The following CD163 variants were observed in gnomAD, a reference collection of about 807,000 sequenced individuals.
CD163 encodes CD163 molecule.
In CD163, 64 loss-of-function variants were observed where a neutral mutation model predicts 129.2. The observed-to-expected ratio is 0.50, with a 90% CI of 0.41 to 0.61. CD163 has a LOEUF of 0.61. Among genes scored for constraint, CD163 ranks in the 20% least tolerant of loss-of-function variants. The pLI, the probability that CD163 is intolerant of heterozygous loss-of-function variation, is 0.00. For missense variants in CD163, 1,061 were observed against 1,377.9 expected (o/e 0.77, Z 3.64); for synonymous variants, 446 against 478.5 (o/e 0.93, Z 0.89).
At chr12:7,491,571 T>C (rs898698508) in intron 6 of CD163, among the ~76,000 whole-genome samples, 11 of 152,044 alleles carry the variant, frequency 7.2e-5, no homozygotes, top group Admixed American at 1.3e-4. Context: ...TCTAGAAAAA[T>C]AAATAGATCT....
intron 5 of CD163, among the ~76,000 whole-genome samples, chr12:7,495,799 G>A (rs780371110): frequency 6.6e-6 from 1 of 151,602 alleles, no homozygotes; most frequent in East Asian, 1.9e-4. Flanking sequence ...CAGTTAGAAT[G>A]GCGATCATTA....
At chr12:7,503,236 C>T (rs1949518163) in intron 1 of CD163, among the ~76,000 whole-genome samples, 1 of 152,130 alleles carries the variant, frequency 6.6e-6, no homozygotes, top group Non-Finnish European at 1.5e-5. Flanking sequence ...TAATTTAAAA[C>T]TAAAAATGCT....
chr12:7,486,331 C>T (rs1310273851), intron 10 of CD163, among the ~76,000 whole-genome samples, 168 bp downstream of exon 10: 2 of 152,138 alleles, frequency 1.3e-5, no homozygotes, highest in African/African-American at 4.8e-5. Flanking sequence ...CTACCTTGCT[C>T]ATGAAGTACC....
chr12:7,495,047 C>A (rs1428887058), intron 6 of CD163, 34 bp downstream of exon 6: 3 of 1,546,094 alleles, frequency 1.9e-6, no homozygotes, highest in Non-Finnish European at 1.8e-6. Context: ...GAAATTTACA[C>A]CCTTCTTCTT....
In CD163 at chr12:7,485,310, C is replaced by G; in HGVS notation, c.2565G>C (p.Met855Ile). Residue 855 changes from methionine (M) to isoleucine (I), a missense_variant, in exon 11 of 17, where the codon ATG becomes ATC. By Grantham distance (10) the Met-to-Ile change is conservative. Coordinates refer to ENST00000432237, the MANE Select transcript of CD163 (RefSeq NM_203416.4). This position sits in a 1 kb window ranked among gnomAD's most constrained non-coding sequence, Gnocchi z 4.5. The stretch of plus-strand genomic sequence containing the variant: ...ACACCACACCCACAGTGGTTTCAGA[C>G]ATGCTACTCTTGCCAACAGTGCCCC... ...GAWGTVGKSS[M>I]SETTVGVVCR... 6.2e-7 allele frequency: 1 copy of G among 1,614,240 alleles called. No individual in the cohort carries two copies. Among genetic ancestry groups the G allele is most frequent in the Non-Finnish European group, 8.5e-7 (1 of 1,180,030 alleles).
intron 2 of CD163, 111 bp downstream of exon 2, chr12:7,502,367 G>A: frequency 2.6e-6 from 2 of 763,722 alleles, no homozygotes; most frequent in Non-Finnish European, 4.8e-6. Flanking sequence ...AATACATGGA[G>A]CATGTCACCT....
rs569749834 is a variant in CD163 at position 7,495,171 on chromosome 12, C to T, written c.1330G>A (p.Gly444Arg). The T allele has an allele frequency of 1.9e-5, 31 of 1,614,008 alleles. No individual in the cohort carries two copies. Among genetic ancestry groups the T allele is most frequent in the East Asian group, 1.3e-4 (6 of 44,894 alleles). The change falls in exon 6 of 17, where the codon GGA (glycine) becomes AGA (arginine). Residue 444 changes from glycine (G) to arginine (R), a missense_variant. Transcript: ENST00000432237. ...NTWLFLSSCNGNETSLWDCKN... is the reference protein window; with the variant it reads ...NTWLFLSSCNRNETSLWDCKN... The stretch of plus-strand genomic sequence containing the variant: ...CAGTCCCAAAGAGAAGTTTCATTTC[C>T]GTTACAGCTACTTAGAAACAGCCAT...
rs188608551 is a variant in CD163, at chr12:7,471,126, C to T, written c.*303G>A. Reference sequence around the variant, plus strand: ...GAAACTCTACAAAAAATTAGGAAGCCCATTTAGAAATTAATAGAATTAAGG... The same window carrying T: ...GAAACTCTACAAAAAATTAGGAAGCTCATTTAGAAATTAATAGAATTAAGG... On this transcript the variant is annotated 3_prime_UTR_variant, in exon 17 of 17. Transcript: ENST00000432237. The T allele has an allele frequency of 6.6e-6, 1 of 151,938 alleles. No individual in the cohort carries two copies. The highest frequency in any genetic ancestry group is 2.4e-5 in the African/African-American group (1 of 41,432). 9.4% of individuals were successfully genotyped at this position (151,938 alleles called of 1,614,324 possible).
Position 7,502,582 on chromosome 12 carries a change from G to T in CD163, c.47-18C>A. The T allele has an allele frequency of 7.6e-7, 1 of 1,315,256 alleles. No homozygotes were observed. The highest frequency in any genetic ancestry group is 1.1e-6 in the Non-Finnish European group (1 of 924,132). The allele number at this position is 1,315,256 out of a possible 1,614,324, so 81.5% of individuals were successfully genotyped here. On this transcript the variant is annotated intron_variant, in intron 1 of 16. Transcript: ENST00000432237. Reference sequence around the variant, plus strand: ...TCTGAAGTCTGTGAAAAAGAAAAGAGGGCAAAAGTAGCATCTTCCCAAAAA... The same window carrying T: ...TCTGAAGTCTGTGAAAAAGAAAAGATGGCAAAAGTAGCATCTTCCCAAAAA...
intron 12 of CD163, 130 bp from the exon 13 acceptor site, chr12:7,483,134 T>G: frequency 1.1e-6 from 1 of 940,554 alleles, no homozygotes; most frequent in Non-Finnish European, 1.6e-6. Context: ...AAAACTAGAG[T>G]CCTCTAGTCT....
chr12:7,500,189 G>A (rs1274075878), intron 3 of CD163, among the ~76,000 whole-genome samples: 1 of 151,990 alleles, frequency 6.6e-6, no homozygotes, highest in East Asian at 1.9e-4. Flanking sequence ...GGGAGGCCGA[G>A]GCAGGTGGAT....
At chr12:7,478,804 T>C (rs187377206) in intron 16 of CD163, among the ~76,000 whole-genome samples, 180 of 152,128 alleles carry the variant, frequency 1.2e-3, no homozygotes, top group African/African-American at 4.0e-3. Context: ...ATATAATATG[T>C]AGATGAATTA....
chr12:7,500,819 T>A (rs1056414748), intron 3 of CD163, among the ~76,000 whole-genome samples: 1 of 152,162 alleles, frequency 6.6e-6, no homozygotes, highest in Non-Finnish European at 1.5e-5. Context: ...TTAGATGTCA[T>A]GATATTTTTA....
intron 16 of CD163, among the ~76,000 whole-genome samples, chr12:7,479,258 A>AT (rs376870039): frequency 6.3e-4 from 96 of 152,224 alleles, no homozygotes; most frequent in African/African-American, 2.2e-3. Context: ...CCAATAGTAG[A>AT]TTTTATCTCT....
intron 15 of CD163, chr12:7,480,818 A>T: frequency 4.3e-6 from 4 of 931,126 alleles, no homozygotes; most frequent in Non-Finnish European, 2.6e-6. Context: ...TATACACAAC[A>T]AAATTTAAAG....
Position 7,495,113 on chromosome 12 carries a change from T to A in CD163, c.1388A>T (p.Asp463Val), listed in dbSNP as rs1014176698. The change falls in exon 6 of 17, where the codon GAT becomes GTT. Residue 463 changes from aspartate (D) to valine (V), a missense_variant. Transcript: ENST00000432237. ...GGTAATTTTGGCTTCTTCATAGTGA[T>A]CACAGGTAAGTCCACCCCATTGCCA... ...KNWQWGGLTC[D>V]HYEEAKITCS... The A allele has an allele frequency of 1.2e-6, 2 of 1,614,014 alleles. No homozygotes were observed.
chr12:7,502,478 C>G lies in CD163; in HGVS notation c.133G>C (p.Gly45Arg). 6.3e-7 allele frequency: 1 copy of G among 1,582,414 alleles called. No homozygotes were observed. The highest frequency in any genetic ancestry group is 8.7e-7 in the Non-Finnish European group (1 of 1,151,136). ...LSACFVTSSL[G>R]GTDKELRLVD... is the part of the protein sequence containing the mutation. ...TAAGTAAATTTGACAAAGTACTCAC[C>G]AAGAGAACTGGTGACAAAACAGGCA... Residue 45 changes from glycine (G) to arginine (R), a missense_variant and splice_region_variant, in exon 2 of 17, where the codon GGA becomes CGA. Coordinates refer to ENST00000432237, the MANE Select transcript of CD163 (RefSeq NM_203416.4).
rs776894691 is a variant in CD163 at position 7,496,869 on chromosome 12, T to C, written c.1043A>G (p.His348Arg). Residue 348 changes from histidine to arginine, a missense_variant, in exon 5 of 17, where the codon CAT becomes CGT. His to Arg is a conservative substitution (Grantham distance 29). Coordinates refer to ENST00000432237, the MANE Select transcript of CD163 (RefSeq NM_203416.4). This position sits in a 1 kb window ranked among gnomAD's most constrained non-coding sequence, Gnocchi z 4.8. ...ATTGCAATAATGCTTTCCCCATTCA[T>C]GGTGTTTACATTGCCAGATAGCAGG... ...HEPAIWQCKH[H>R]EWGKHYCNHN... 1.9e-6 allele frequency: 3 copies of C among 1,614,160 alleles called. No homozygotes were observed. The highest frequency in any genetic ancestry group is 2.5e-6 in the Non-Finnish European group (3 of 1,179,988).
At chr12:7,481,012 T>G (rs1949154650) in intron 15 of CD163, 149 bp downstream of exon 15, 1 of 1,356,346 alleles carries the variant, frequency 7.4e-7, no homozygotes, top group Non-Finnish European at 9.5e-7. Flanking sequence ...CAAGAATAAT[T>G]TTCAGTCATT....
Sources: allele counts gnomAD v4.1 joint callset (sites outside exome capture counted in the v4.1 genomes callset), GRCh38; gene constraint gnomAD v4.1.1; non-coding constraint Gnocchi (gnomAD v3.1); transcripts MANE v1.5; gene names NCBI Gene and HGNC (gene_info 2026-07-23, HGNC 2026-07-21).